GPR39: variants seen among roughly 807,000 people sequenced by gnomAD.
GPR39 encodes G protein-coupled receptor 39, also known as zinc sensing receptor.
A neutral mutation model predicts 18.4 loss-of-function variants in GPR39; 23 were observed. The observed-to-expected ratio is 1.25, with a 90% CI of 0.90 to 1.77. The LOEUF (loss-of-function observed/expected upper bound fraction) is 1.77, where lower values mean the gene tolerates loss of function less well. Among genes scored for constraint, GPR39 ranks in the 40% most tolerant of loss-of-function variants. GPR39 has a pLI of 0.00. For synonymous variants in GPR39, 280 were observed against 257.9 expected, an observed-to-expected ratio of 1.09 and a Z score of -0.82; for missense variants, 647 against 602.4, an observed-to-expected ratio of 1.07 and a Z score of -0.78.
chr2:132,472,336 C>T (rs572734533), intron 1 of GPR39, among the ~76,000 whole-genome samples: 2 of 152,276 alleles, frequency 1.3e-5, no homozygotes, highest in East Asian at 3.9e-4. Context: ...GCTGGCCTTC[C>T]AGGTGTATTC....
intron 1 of GPR39, among the ~76,000 whole-genome samples, chr2:132,451,753 A>G (rs1269266401): frequency 6.6e-6 from 1 of 152,186 alleles, no homozygotes; most frequent in Non-Finnish European, 1.5e-5. Context: ...TAGCTATAGA[A>G]GATAATACAG....
chr2:132,539,778 CAG>C (rs996930066), intron 1 of GPR39, among the ~76,000 whole-genome samples: 4 of 152,018 alleles, frequency 2.6e-5, no homozygotes, highest in African/African-American at 7.2e-5. Context: ...CCAGATAAGA[CAG>C]GGGAGGGGAA....
intron 1 of GPR39, among the ~76,000 whole-genome samples, chr2:132,580,973 C>CAAA (rs572666834): frequency 1.1e-5 from 1 of 94,714 alleles, no homozygotes; most frequent in African/African-American, 4.2e-5. Context: ...AAAAAAAAAA[C>CAAA]AAAAAAAAAA....
intron 1 of GPR39, among the ~76,000 whole-genome samples, chr2:132,504,455 C>T (rs1162124576): frequency 6.6e-6 from 1 of 152,136 alleles, no homozygotes; most frequent in South Asian, 2.1e-4. Context: ...ATAGTGACTG[C>T]CTGTCGTTGG....
intron 1 of GPR39, among the ~76,000 whole-genome samples, chr2:132,583,336 A>T (rs1188518600): frequency 6.6e-6 from 1 of 151,828 alleles, no homozygotes; most frequent in Non-Finnish European, 1.5e-5. Flanking sequence ...CTGTTAGCAA[A>T]CACTCCTTCC....
intron 1 of GPR39, among the ~76,000 whole-genome samples, chr2:132,532,596 A>G (rs528864724): frequency 4.6e-5 from 7 of 152,366 alleles, no homozygotes; most frequent in African/African-American, 1.2e-4. Flanking sequence ...AACATCCTCA[A>G]TAAAATACTG....
intron 1 of GPR39, among the ~76,000 whole-genome samples, chr2:132,621,066 AAT>A (rs1240127421): frequency 6.6e-6 from 1 of 151,904 alleles, no homozygotes; most frequent in Non-Finnish European, 1.5e-5. Context: ...TCACATTTTA[AAT>A]ATGTCCATTC....
chr2:132,501,328 TG>T (rs1679034317), intron 1 of GPR39, among the ~76,000 whole-genome samples: 2 of 152,172 alleles, frequency 1.3e-5, no homozygotes, highest in East Asian at 3.8e-4. Flanking sequence ...TTGATTTCAT[TG>T]TTGACCCAAT....
In GPR39 at chr2:132,633,894, T is replaced by A. The variant is rs1482344840; in HGVS notation, c.857-11207T>A. On this transcript the variant is annotated intron_variant, in intron 1 of 1. Transcript: ENST00000329321. ...GTGTTGGTATTGTTGGTGGTATAGG[T>A]GGAGGTGATAATAATGGTGGTGGTG... is the stretch of plus-strand genomic sequence containing the variant. 2.0e-5 allele frequency among the ~76,000 whole-genome samples: 3 copies of A among 148,398 alleles called. No homozygotes were observed. In the East Asian group the frequency reaches 5.9e-4, roughly 29 times the overall value.
chr2:132,630,261 A>G (rs1247743881), intron 1 of GPR39, among the ~76,000 whole-genome samples: 1 of 152,226 alleles, frequency 6.6e-6, no homozygotes, highest in African/African-American at 2.4e-5. Context: ...GATCTATAAC[A>G]GGAAGGCCTA....
intron 1 of GPR39, among the ~76,000 whole-genome samples, chr2:132,534,794 A>T (rs1037108817): frequency 2.0e-5 from 3 of 151,902 alleles, no homozygotes; most frequent in Non-Finnish European, 4.4e-5. Context: ...AACAATGAGA[A>T]CACATGGACA....
At chr2:132,635,223 GC>G (rs1341880509) in intron 1 of GPR39, among the ~76,000 whole-genome samples, 1 of 152,098 alleles carries the variant, frequency 6.6e-6, no homozygotes, top group Non-Finnish European at 1.5e-5. Context: ...GTTCACCAGA[GC>G]CCCTCACCTG....
intron 1 of GPR39, among the ~76,000 whole-genome samples, chr2:132,526,688 C>T (rs1057261879): frequency 6.6e-5 from 10 of 152,288 alleles, no homozygotes; most frequent in African/African-American, 2.2e-4. Context: ...TCTCTGCTGC[C>T]TTTCCATGTC....
intron 1 of GPR39, among the ~76,000 whole-genome samples, chr2:132,564,471 T>C (rs1240919832): frequency 6.6e-6 from 1 of 152,188 alleles, no homozygotes; most frequent in Non-Finnish European, 1.5e-5. Context: ...AATAATTTCT[T>C]TGTATTTCCC....
At chr2:132,638,664 A>G (rs1573712612) in intron 1 of GPR39, among the ~76,000 whole-genome samples, 2 of 152,242 alleles carry the variant, frequency 1.3e-5, no homozygotes, top group African/African-American at 2.4e-5. Flanking sequence ...GCAGAAGCAG[A>G]TTGCAAACAC....
At chr2:132,621,211 A>G (rs1468393092) in intron 1 of GPR39, among the ~76,000 whole-genome samples, 1 of 152,162 alleles carries the variant, frequency 6.6e-6, no homozygotes, top group Non-Finnish European at 1.5e-5. Context: ...AAGATTTCCA[A>G]GTTCCTGCCT....
intron 1 of GPR39, among the ~76,000 whole-genome samples, chr2:132,520,821 G>A (rs1232206565): frequency 1.3e-5 from 2 of 151,984 alleles, no homozygotes; most frequent in African/African-American, 4.8e-5. Context: ...CTGGACCAAG[G>A]CTCTTCCAGC....
intron 1 of GPR39, among the ~76,000 whole-genome samples, chr2:132,581,465 C>T (rs762065465): frequency 3.3e-5 from 5 of 151,698 alleles, no homozygotes; most frequent in Non-Finnish European, 7.4e-5. Context: ...TATTTGGGAA[C>T]AAAAATGTTC....
At chr2:132,585,214 C>T (rs927385708) in intron 1 of GPR39, among the ~76,000 whole-genome samples, 1 of 152,170 alleles carries the variant, frequency 6.6e-6, no homozygotes, top group Non-Finnish European at 1.5e-5. Context: ...CTGCTTTTCC[C>T]GTAACAACTT....
Sources: gnomAD v4.1 joint callset for allele counts (sites outside exome capture counted in the v4.1 genomes callset) on GRCh38, gnomAD v4.1.1 for gene constraint, MANE v1.5 for transcripts, NCBI Gene and HGNC (gene_info 2026-07-23, HGNC 2026-07-21) for gene names.